KLHL24: variants seen among roughly 807,000 people sequenced by gnomAD.
KLHL24 encodes kelch-like protein 24.
Under a neutral mutation model 53.4 loss-of-function variants are expected in KLHL24, and 29 were observed. The ratio of observed to expected loss-of-function variants is 0.54; its 90% CI spans 0.40 to 0.74. The LOEUF (loss-of-function observed/expected upper bound fraction) is 0.74. Ranked by LOEUF, KLHL24 falls within the 30% of genes least tolerant of loss-of-function variation. The probability of loss-of-function intolerance (pLI) is 0.00; values close to 1 mark genes in which losing one functional copy is unlikely to be tolerated. For synonymous variants in KLHL24, 222 were observed against 253.7 expected (o/e 0.88, Z 1.19); for missense variants, 504 against 744.0 (o/e 0.68, Z 3.75).
intron 3 of KLHL24, among the ~76,000 whole-genome samples, chr3:183,651,736 T>C (rs1324851651): frequency 6.6e-6 from 1 of 152,190 alleles, no homozygotes; most frequent in African/African-American, 2.4e-5. Context: ...GGAGGAGCGC[T>C]TGAGCTCAGG....
rs761953886 is a variant in KLHL24 at position 183,683,428 on chromosome 3, T to C, written c.*4142T>C. The C allele has an allele frequency of 5.9e-5, 9 of 152,602 alleles. No homozygotes were observed. Among genetic ancestry groups the C allele is most frequent in the Admixed American group, 5.2e-4 (8 of 15,252 alleles). 9.5% of individuals were successfully genotyped at this position (152,602 alleles called of 1,614,324 possible). A position where few individuals can be genotyped will look rare whatever the true frequency, so the allele number is the denominator to read the frequency against. On this transcript the variant is annotated 3_prime_UTR_variant, in exon 8 of 8. Transcript: ENST00000242810. ...TTACATCACCTCACCCCATTATTCT[T>C]TTTAGTTAAATAAATTTACCATGCC...
chr3:183,652,795 A>G (rs934043565), intron 3 of KLHL24, among the ~76,000 whole-genome samples: 2 of 152,374 alleles, frequency 1.3e-5, no homozygotes, highest in South Asian at 2.1e-4. Context: ...TCATGAACAC[A>G]CAGTATCCCT....
At chr3:183,661,226 C>T (rs1039929259) in intron 3 of KLHL24, among the ~76,000 whole-genome samples, 1 of 151,462 alleles carries the variant, frequency 6.6e-6, no homozygotes, top group Non-Finnish European at 1.5e-5. Context: ...TAGAGTAAGA[C>T]CTTGTCTCTA....
In KLHL24 at chr3:183,672,242, T is replaced by C. The variant is rs74440691; in HGVS notation, c.1414-54T>C. ...AGGTATTGGTAGATTCTTTATTAAG[T>C]ACATTTCCATTTTTGTTTAGAAATT... On this transcript the variant is annotated intron_variant, in intron 6 of 7. Coordinates refer to ENST00000242810, the MANE Select transcript of KLHL24 (RefSeq NM_017644.3). The C allele has an allele frequency of 0.017, 15,427 of 897,082 alleles. 1,739 individuals are homozygous for C. In the African/African-American group the frequency reaches 0.24, roughly 14 times the overall value. 55.6% of individuals were successfully genotyped at this position (897,082 alleles called of 1,614,324 possible). A position where few individuals can be genotyped will look rare whatever the true frequency, so the allele number is the denominator to read the frequency against.
Position 183,663,460 on chromosome 3 carries a change from C to T in KLHL24, c.923C>T (p.Ser308Phe), listed in dbSNP as rs1469561419. 4 of 1,447,314 alleles carry T rather than the reference C, an allele frequency of 2.8e-6. No individual in the cohort carries two copies. The highest frequency in any genetic ancestry group is 2.8e-6 in the Non-Finnish European group (3 of 1,081,052). The allele number at this position is 1,447,314 out of a possible 1,614,324, so 89.7% of individuals were successfully genotyped here. ...TACGCTAATAATTATTATTTTAGGT[C>T]CACTGGCTATTCTGAGGTGATAGTT... ...MMSPRTRPRR[S>F]TGYSEVIVVV... Residue 308 changes from serine to phenylalanine, a missense_variant and splice_region_variant, in exon 4 of 8, where the codon TCC becomes TTC. Ser to Phe is a radical substitution (Grantham distance 155). Coordinates refer to ENST00000242810, the MANE Select transcript of KLHL24 (RefSeq NM_017644.3). The surrounding 1 kb of genome is among the most constrained non-coding windows in gnomAD (Gnocchi z 4.9).
Position 183,679,128 on chromosome 3 carries a change from C to T in KLHL24, c.1645C>T (p.Leu549=). 1 of 1,613,808 alleles carries T rather than the reference C, an allele frequency of 6.2e-7. No individual in the cohort carries two copies. Among genetic ancestry groups the T allele is most frequent in the Non-Finnish European group, 8.5e-7 (1 of 1,179,838 alleles). The change falls in exon 8 of 8, where the codon CTG becomes TTG. Residue 549 remains leucine (L), a synonymous_variant. Coordinates refer to ENST00000242810, the MANE Select transcript of KLHL24 (RefSeq NM_017644.3). ...MSVCNGKIYI[L]GGRRENGEAT... ...TGTGTGTAATGGTAAAATATATATC[C>T]TGGGCGGAAGACGGGAAAATGGAGA...
chr3:183,674,242 A>G (rs1350766240), intron 7 of KLHL24, among the ~76,000 whole-genome samples: 2 of 108,538 alleles, frequency 1.8e-5, no homozygotes, highest in Non-Finnish European at 4.1e-5. Flanking sequence ...TTTAGCATCA[A>G]TTTTCTTTCT....
rs1317697295 is a variant in KLHL24 at position 183,684,100 on chromosome 3, ATACT to A, written c.*4817_*4820del. ...AAAAAAGTATACTTATTTTTGTTCC[ATACT>A]TATGTACAATTTTTTCCCTCTTCAG... is the stretch of plus-strand genomic sequence containing the variant. On this transcript the variant is annotated 3_prime_UTR_variant, in exon 8 of 8. Coordinates refer to ENST00000242810, the MANE Select transcript of KLHL24 (RefSeq NM_017644.3). 4 of 152,216 alleles carry A rather than the reference ATACT, an allele frequency of 2.6e-5. No individual in the cohort carries two copies. The highest frequency in any genetic ancestry group is 5.9e-5 in the Non-Finnish European group (4 of 68,002). The allele number at this position is 152,216 out of a possible 1,614,324, so 9.4% of individuals were successfully genotyped here. A position where few individuals can be genotyped will look rare whatever the true frequency, so the allele number is the denominator to read the frequency against.
chr3:183,674,243 T>TTTTCTTTCTTTCTTTCTTTCTTTC (rs370677824), intron 7 of KLHL24, among the ~76,000 whole-genome samples: 26 of 131,070 alleles, frequency 2.0e-4, no homozygotes, highest in East Asian at 6.9e-4. Flanking sequence ...TTAGCATCAA[T>TTTTCTTTCTTTCTTTCTTTCTTTC]TTTCTTTCTT....
intron 5 of KLHL24, among the ~76,000 whole-genome samples, chr3:183,667,614 C>T (rs903129940): frequency 6.6e-6 from 1 of 152,138 alleles, no homozygotes; most frequent in African/African-American, 2.4e-5. Context: ...CCCACCAGCC[C>T]CCCACCCAGA....
intron 1 of KLHL24, among the ~76,000 whole-genome samples, chr3:183,639,502 C>T (rs924155651): frequency 2.6e-5 from 4 of 151,222 alleles, no homozygotes; most frequent in East Asian, 2.0e-4. Flanking sequence ...TAGCGGCGGG[C>T]GCCTGTAGTC....
In KLHL24 at chr3:183,681,823, TATTC is replaced by T. The variant is rs1712705143; in HGVS notation, c.*2542_*2545del. 1 of 152,382 alleles carries T rather than the reference TATTC, an allele frequency of 6.6e-6. No homozygotes were observed. Among genetic ancestry groups the T allele is most frequent in the South Asian group, 2.1e-4 (1 of 4,834 alleles). 9.4% of individuals were successfully genotyped at this position (152,382 alleles called of 1,614,324 possible). On this transcript the variant is annotated 3_prime_UTR_variant, in exon 8 of 8. Transcript: ENST00000242810. ...TATCAACCAAATTGGTGTCAGATTG[TATTC>T]ATTCTCTCATCACATAAAGATTTTT...
chr3:183,654,786 A>G (rs1483490360), intron 3 of KLHL24, among the ~76,000 whole-genome samples: 1 of 152,092 alleles, frequency 6.6e-6, no homozygotes, highest in African/African-American at 2.4e-5. Context: ...AAAATATTCT[A>G]CCTTTTGGAT....
At chr3:183,668,172 C>T (rs1053974165) in intron 5 of KLHL24, among the ~76,000 whole-genome samples, 7 of 151,622 alleles carry the variant, frequency 4.6e-5, no homozygotes, top group South Asian at 2.1e-4. Context: ...TTAGTACTTA[C>T]TATATTATAT....
chr3:183,649,423 C>T (rs1286295464), intron 2 of KLHL24, among the ~76,000 whole-genome samples: 2 of 151,646 alleles, frequency 1.3e-5, no homozygotes, highest in African/African-American at 4.9e-5. Flanking sequence ...TCTTATAGGG[C>T]ATTTAGGTTA....
chr3:183,645,715 T>C (rs6809769), intron 2 of KLHL24, among the ~76,000 whole-genome samples: 50,987 of 152,142 alleles, frequency 0.34, 9,406 homozygotes, highest in African/African-American at 0.49. Flanking sequence ...CTCAGGCAAG[T>C]CTGTTACCTA....
At chr3:183,678,945 C>T in intron 7 of KLHL24, 141 bp from the exon 8 acceptor site, 1 of 647,720 alleles carries the variant, frequency 1.5e-6, no homozygotes, top group South Asian at 1.9e-5. Context: ...ACACAGAGAG[C>T]AGAGTTGGGC....
chr3:183,640,253 T>A (rs1032282960), intron 1 of KLHL24, among the ~76,000 whole-genome samples: 4 of 152,178 alleles, frequency 2.6e-5, no homozygotes, highest in African/African-American at 9.7e-5. Context: ...GTTAACAAGT[T>A]TTTTTCTTCC....
At chr3:183,667,362 T>A (rs1720716159) in intron 5 of KLHL24, among the ~76,000 whole-genome samples, 1 of 152,094 alleles carries the variant, frequency 6.6e-6, no homozygotes, top group Non-Finnish European at 1.5e-5. Context: ...GAGCCAAGAT[T>A]TTGCCACTGC....
Sources: gnomAD v4.1 joint callset for allele counts (sites outside exome capture counted in the v4.1 genomes callset) on GRCh38, gnomAD v4.1.1 for gene constraint, Gnocchi (gnomAD v3.1) non-coding constraint, MANE v1.5 for transcripts, NCBI Gene and HGNC (gene_info 2026-07-23, HGNC 2026-07-21) for gene names.